RBMS3: variants seen among roughly 807,000 people sequenced by gnomAD.
RBMS3 encodes RNA binding motif single stranded interacting protein 3.
A neutral mutation model predicts 66.8 loss-of-function variants in RBMS3; 27 were observed. The observed-to-expected ratio is 0.40, with a 90% CI of 0.30 to 0.56. The LOEUF (loss-of-function observed/expected upper bound fraction) is 0.56, where lower values mean the gene tolerates loss of function less well. Among genes scored for constraint, RBMS3 ranks in the 20% least tolerant of loss-of-function variants. RBMS3 has a pLI of 0.40. For missense variants in RBMS3, 513 were observed against 549.5 expected, an observed-to-expected ratio of 0.93 and a Z score of 0.66; for synonymous variants, 188 against 183.0, an observed-to-expected ratio of 1.03 and a Z score of -0.22.
intron 4 of RBMS3, among the ~76,000 whole-genome samples, chr3:29,679,573 G>C (rs79105385): frequency 0.027 from 4,140 of 152,112 alleles, 80 homozygotes; most frequent in Admixed American, 0.064. Context: ...AAATTAAAAA[G>C]TATGGAATCA....
At position 29,880,974 on chromosome 3, in the gene RBMS3, A is replaced by G. The variant is rs554440272; in HGVS notation, c.745-3188A>G. On this transcript the variant is annotated intron_variant, in intron 7 of 14. Coordinates refer to ENST00000383767, the MANE Select transcript of RBMS3 (RefSeq NM_001003793.3). ...AGCTCATGCTAACTCCTGTTCCCCA[A>G]TCACTCTTTAAGTATATAATGTCCC... Among the ~76,000 whole-genome samples the G allele has an allele frequency of 2.6e-5, 4 of 151,906 alleles. No homozygotes were observed. In the South Asian group the frequency reaches 6.2e-4, roughly 24 times the overall value.
At position 29,423,763 on chromosome 3, in the gene RBMS3, T is replaced by C. The variant is rs369070360; in HGVS notation, c.76-10980T>C. On this transcript the variant is annotated intron_variant, in intron 1 of 14. Transcript: ENST00000383767. ...AAGAAATACATTTTTAAATTTAAGT[T>C]AATTTTAATTAATTACCTGTGAATT... 2.6e-5 allele frequency among the ~76,000 whole-genome samples: 4 copies of C among 152,362 alleles called. No homozygotes were observed. The East Asian group carries it at 7.7e-4, about 29-fold the overall frequency.
intron 2 of RBMS3, among the ~76,000 whole-genome samples, chr3:29,472,195 T>C (rs907756068): frequency 4.7e-5 from 4 of 85,664 alleles, no homozygotes; most frequent in African/African-American, 1.1e-4. Flanking sequence ...CCTCTTCTAA[T>C]TTTTTTTTTT....
chr3:29,472,432 G>A (rs1032642962), intron 2 of RBMS3, among the ~76,000 whole-genome samples: 1 of 152,160 alleles, frequency 6.6e-6, no homozygotes, highest in African/African-American at 2.4e-5. Flanking sequence ...CTGACTTCAA[G>A]TGATCTGCCC....
intron 3 of RBMS3, among the ~76,000 whole-genome samples, chr3:29,534,726 A>C (rs568330810): frequency 2.0e-5 from 3 of 152,190 alleles, no homozygotes; most frequent in Non-Finnish European, 4.4e-5. Flanking sequence ...TGACAAATTA[A>C]TTATACTTTA....
At chr3:29,428,028 T>C (rs2041027394) in intron 1 of RBMS3, among the ~76,000 whole-genome samples, 1 of 152,218 alleles carries the variant, frequency 6.6e-6, no homozygotes, top group Non-Finnish European at 1.5e-5. Flanking sequence ...TGGTTACAGA[T>C]GGTGGAACTG....
At chr3:29,744,923 AT>A (rs1219575471) in intron 5 of RBMS3, among the ~76,000 whole-genome samples, 1 of 152,162 alleles carries the variant, frequency 6.6e-6, no homozygotes, top group Admixed American at 6.5e-5. Context: ...AGTGGACTTC[AT>A]TTTGAATGTT....
At chr3:29,885,295 A>G (rs1391116623) in intron 8 of RBMS3, among the ~76,000 whole-genome samples, 1 of 151,924 alleles carries the variant, frequency 6.6e-6, no homozygotes, top group Non-Finnish European at 1.5e-5. Flanking sequence ...GTTGATTAAA[A>G]TTTCCCTCTA....
intron 3 of RBMS3, among the ~76,000 whole-genome samples, chr3:29,552,488 A>G (rs1392866755): frequency 6.6e-6 from 1 of 152,188 alleles, no homozygotes; most frequent in Non-Finnish European, 1.5e-5. Flanking sequence ...TTTACAATCC[A>G]AGAAGTGTTC....
intron 6 of RBMS3, among the ~76,000 whole-genome samples, chr3:29,807,770 T>C (rs1013914603): frequency 6.6e-6 from 1 of 150,722 alleles, no homozygotes; most frequent in African/African-American, 2.4e-5. Context: ...ACCAAAAAAA[T>C]AAAAAAGTAC....
chr3:29,553,470 A>G (rs2046242914), intron 3 of RBMS3, among the ~76,000 whole-genome samples: 1 of 152,042 alleles, frequency 6.6e-6, no homozygotes, highest in Admixed American at 6.6e-5. Context: ...AGGTCTTTTT[A>G]CACCCCTCAC....
At chr3:29,758,567 A>G (rs982638629) in intron 5 of RBMS3, among the ~76,000 whole-genome samples, 5 of 152,154 alleles carry the variant, frequency 3.3e-5, no homozygotes, top group Admixed American at 3.3e-4. Flanking sequence ...AAGGGCATGT[A>G]AGGGAGGCCT....
chr3:29,854,764 ATT>A (rs979900572), intron 6 of RBMS3, among the ~76,000 whole-genome samples: 1 of 152,186 alleles, frequency 6.6e-6, no homozygotes, highest in Non-Finnish European at 1.5e-5. Context: ...AATGTAGCAT[ATT>A]TAGGTCCTTT....
At chr3:29,344,986 T>C (rs1174651261) in intron 1 of RBMS3, among the ~76,000 whole-genome samples, 1 of 152,182 alleles carries the variant, frequency 6.6e-6, no homozygotes. Context: ...GGCTGGAGGA[T>C]TCTTAATTAT....
At chr3:29,391,346 A>G (rs992332385) in intron 1 of RBMS3, 2 of 152,378 alleles carry the variant, frequency 1.3e-5, no homozygotes, top group Non-Finnish European at 2.9e-5. Context: ...GAAATGAAAG[A>G]CAAACTTGAA....
chr3:29,858,076 T>C (rs13059657), intron 6 of RBMS3, among the ~76,000 whole-genome samples: 33,025 of 151,960 alleles, frequency 0.22, 4,645 homozygotes, highest in Non-Finnish European at 0.32. Flanking sequence ...AATAAACAAA[T>C]TGGTAGATGT....
At position 30,004,061 on chromosome 3, in the gene RBMS3, CAATT is replaced by C. The variant is rs55920068; in HGVS notation, c.*200_*203del. On this transcript the variant is annotated 3_prime_UTR_variant, in exon 15 of 15. Coordinates refer to ENST00000383767, the MANE Select transcript of RBMS3 (RefSeq NM_001003793.3). ...TGCAAATGGTCTTCATGTGGTCTGA[CAATT>C]TATTTTTGCCATCATTTTTTTAATT... 62,208 of 383,766 alleles carry C rather than the reference CAATT, an allele frequency of 0.16. 5,376 individuals carry two copies. The highest frequency in any genetic ancestry group is 0.21 in the Middle Eastern group (312 of 1,492). 23.8% of individuals were successfully genotyped at this position (383,766 alleles called of 1,614,324 possible).
chr3:29,948,938 G>A (rs1393533544), intron 12 of RBMS3, among the ~76,000 whole-genome samples: 1 of 151,692 alleles, frequency 6.6e-6, no homozygotes, highest in Non-Finnish European at 1.5e-5. Context: ...ATGTAACATA[G>A]TATATGACAG....
chr3:29,605,261 G>C lies in RBMS3; in HGVS notation c.399+18056G>C, dbSNP rs147905805. ...AAATGAAACATTTTACGATTGTTTA[G>C]GTATTATAGGCATTGACTGGCTAGT... is the stretch of plus-strand genomic sequence containing the variant. On this transcript the variant is annotated intron_variant, in intron 4 of 14. Transcript: ENST00000383767. 2.1e-3 allele frequency among the ~76,000 whole-genome samples: 312 copies of C among 151,800 alleles called. 3 individuals carry two copies. The highest frequency in any genetic ancestry group is 7.3e-3 in the African/African-American group (303 of 41,444).
Sources: allele counts gnomAD v4.1 joint callset (sites outside exome capture counted in the v4.1 genomes callset), GRCh38; gene constraint gnomAD v4.1.1; transcripts MANE v1.5; gene names NCBI Gene and HGNC (gene_info 2026-07-23, HGNC 2026-07-21).